The following FBXL7 variants were observed in gnomAD, a reference collection of about 807,000 sequenced individuals.
The protein encoded by FBXL7 is F-box and leucine rich repeat protein 7.
A neutral mutation model predicts 38.3 loss-of-function variants in FBXL7; 12 were observed. That is an observed-to-expected ratio of 0.31 (90% CI 0.20 to 0.51). The LOEUF (loss-of-function observed/expected upper bound fraction) is 0.51. FBXL7 is among the 20% of genes least tolerant of loss of function. FBXL7 has a pLI of 0.98. For synonymous variants in FBXL7, 297 were observed against 300.9 expected (o/e 0.99, Z 0.13); for missense variants, 567 against 676.4 (o/e 0.84, Z 1.79).
intron 2 of FBXL7, among the ~76,000 whole-genome samples, chr5:15,872,081 C>A (rs965955022): frequency 6.6e-6 from 1 of 152,126 alleles, no homozygotes; most frequent in African/African-American, 2.4e-5. Flanking sequence ...AGACTAAGAG[C>A]GGATCTCTCT....
rs552721268 is a variant in FBXL7 at position 15,892,926 on chromosome 5, G to T, written c.128-34964G>T. Among the ~76,000 whole-genome samples the T allele has an allele frequency of 2.6e-5, 4 of 152,228 alleles. No individual in the cohort carries two copies. In the East Asian group the frequency reaches 7.8e-4, roughly 30 times the overall value. On this transcript the variant is annotated intron_variant, in intron 2 of 3. Coordinates refer to ENST00000504595, the MANE Select transcript of FBXL7 (RefSeq NM_012304.5). ...AGGTCAGGAGATCGAGACCATCCTG[G>T]CTAACAGGGTGAAACCCCGTCTCTA... is the stretch of plus-strand genomic sequence containing the variant.
At chr5:15,800,151 T>C (rs1333556299) in intron 2 of FBXL7, among the ~76,000 whole-genome samples, 3 of 152,190 alleles carry the variant, frequency 2.0e-5, no homozygotes, top group Non-Finnish European at 4.4e-5. Context: ...AGTTGTGATG[T>C]AGGCATCATC....
At chr5:15,708,588 A>G (rs1743761703) in intron 2 of FBXL7, among the ~76,000 whole-genome samples, 1 of 152,226 alleles carries the variant, frequency 6.6e-6, no homozygotes, top group African/African-American at 2.4e-5. Flanking sequence ...GTTTTGCTTC[A>G]GGGAATGAAT....
chr5:15,780,318 C>T (rs938182735), intron 2 of FBXL7, among the ~76,000 whole-genome samples: 4 of 151,874 alleles, frequency 2.6e-5, no homozygotes, highest in Non-Finnish European at 2.9e-5. Context: ...CCAGGTAGCA[C>T]CCAGAAAAAA....
intron 2 of FBXL7, among the ~76,000 whole-genome samples, chr5:15,732,974 G>A (rs1417370200): frequency 6.6e-6 from 1 of 152,110 alleles, no homozygotes; most frequent in African/African-American, 2.4e-5. Flanking sequence ...ATATTCAAAA[G>A]AAGTCAAACT....
intron 2 of FBXL7, among the ~76,000 whole-genome samples, chr5:15,792,289 A>C (rs1430304759): frequency 6.6e-6 from 1 of 152,134 alleles, no homozygotes; most frequent in Non-Finnish European, 1.5e-5. Context: ...GTATTTTCAC[A>C]TTACTTGTCC....
intron 2 of FBXL7, among the ~76,000 whole-genome samples, chr5:15,670,406 C>T (rs1472373926): frequency 6.6e-6 from 1 of 152,198 alleles, no homozygotes; most frequent in Non-Finnish European, 1.5e-5. Flanking sequence ...TACCTGACCC[C>T]TCTAACTTTT....
intron 1 of FBXL7, among the ~76,000 whole-genome samples, chr5:15,539,719 C>T (rs887348543): frequency 6.6e-6 from 1 of 151,310 alleles, no homozygotes; most frequent in Non-Finnish European, 1.5e-5. Flanking sequence ...GCTAAATCTC[C>T]TAGGCTTTTT....
chr5:15,511,113 T>C (rs73751955), intron 1 of FBXL7, among the ~76,000 whole-genome samples: 10,060 of 152,254 alleles, frequency 0.066, 958 homozygotes, highest in African/African-American at 0.21. Context: ...AAGTGGCCCC[T>C]TCCAAATGAC....
intron 2 of FBXL7, among the ~76,000 whole-genome samples, chr5:15,883,906 G>C (rs1302172410): frequency 1.3e-5 from 2 of 152,166 alleles, no homozygotes; most frequent in Non-Finnish European, 2.9e-5. Flanking sequence ...TTTGTATAAG[G>C]AAAGTTTTAA....
At chr5:15,922,814 A>G (rs937398857) in intron 2 of FBXL7, among the ~76,000 whole-genome samples, 2 of 152,226 alleles carry the variant, frequency 1.3e-5, no homozygotes. Context: ...AATGTAAAAT[A>G]CATTAAAATT....
chr5:15,825,676 A>G (rs544927730), intron 2 of FBXL7, among the ~76,000 whole-genome samples: 1 of 152,310 alleles, frequency 6.6e-6, no homozygotes, highest in East Asian at 1.9e-4. Flanking sequence ...CTAAATTCCT[A>G]TACATTAGGA....
At chr5:15,820,951 C>G (rs1273208313) in intron 2 of FBXL7, among the ~76,000 whole-genome samples, 1 of 152,160 alleles carries the variant, frequency 6.6e-6, no homozygotes, top group Non-Finnish European at 1.5e-5. Flanking sequence ...CACCCCTCCA[C>G]CACCCCGCAA....
At chr5:15,808,084 A>G (rs1364058942) in intron 2 of FBXL7, among the ~76,000 whole-genome samples, 1 of 152,100 alleles carries the variant, frequency 6.6e-6, no homozygotes, top group Non-Finnish European at 1.5e-5. Context: ...AGCAGGGGGC[A>G]CATCTGTGCG....
At chr5:15,667,083 T>C (rs1030916070) in intron 2 of FBXL7, among the ~76,000 whole-genome samples, 1 of 152,220 alleles carries the variant, frequency 6.6e-6, no homozygotes, top group African/African-American at 2.4e-5. Flanking sequence ...TTTATGGGGA[T>C]ATATTGATGG....
intron 2 of FBXL7, among the ~76,000 whole-genome samples, chr5:15,916,536 AAG>A (rs2126436700): frequency 6.6e-6 from 1 of 152,358 alleles, no homozygotes; most frequent in East Asian, 1.9e-4. Flanking sequence ...TATACCACAA[AAG>A]AGAGTGAGCA....
intron 1 of FBXL7, among the ~76,000 whole-genome samples, chr5:15,506,851 T>C (rs1736662063): frequency 6.6e-6 from 1 of 151,686 alleles, no homozygotes; most frequent in South Asian, 2.1e-4. Context: ...ATTCAGCATA[T>C]GAATTTTGGG....
chr5:15,631,634 T>G (rs1740998576), intron 2 of FBXL7, among the ~76,000 whole-genome samples: 1 of 123,338 alleles, frequency 8.1e-6, no homozygotes, highest in African/African-American at 3.2e-5. Context: ...ACTGCGCCAT[T>G]GCACTACAGC....
At chr5:15,616,105 T>C in intron 2 of FBXL7, 33 bp downstream of exon 2, 2 of 1,470,974 alleles carry the variant, frequency 1.4e-6, no homozygotes, top group Non-Finnish European at 1.9e-6. Flanking sequence ...CTCTCTTTCT[T>C]CTTCACAGGG....
Sources: allele counts gnomAD v4.1 joint callset (sites outside exome capture counted in the v4.1 genomes callset), GRCh38; gene constraint gnomAD v4.1.1; transcripts MANE v1.5; gene names NCBI Gene and HGNC (gene_info 2026-07-23, HGNC 2026-07-21).